SGPL1: variants seen among roughly 807,000 people sequenced by gnomAD.
SGPL1 encodes the protein sphingosine-1-phosphate lyase 1, also known as SP-lyase 1.
A neutral mutation model predicts 68.9 loss-of-function variants in SGPL1; 37 were observed. The observed-to-expected ratio is 0.54, with a 90% confidence interval of 0.41 to 0.71. SGPL1 has a LOEUF of 0.71. SGPL1 is among the 30% of genes least tolerant of loss of function. SGPL1 has a pLI of 0.00. For synonymous variants in SGPL1, 236 were observed against 248.5 expected (o/e 0.95, Z 0.47); for missense variants, 551 against 704.6 (o/e 0.78, Z 2.47).
intron 4 of SGPL1, among the ~76,000 whole-genome samples, chr10:70,853,507 T>TC (rs1247614347): frequency 7.9e-5 from 12 of 152,208 alleles, no homozygotes; most frequent in Non-Finnish European, 1.8e-4. Flanking sequence ...CTATTTTTTT[T>TC]CCCTCAGCAC....
chr10:70,860,012 G>A (rs1197782952), intron 7 of SGPL1, among the ~76,000 whole-genome samples: 1 of 152,040 alleles, frequency 6.6e-6, no homozygotes, highest in Non-Finnish European at 1.5e-5. Context: ...GGTTTTACCT[G>A]AGCCAAAGTT....
intron 2 of SGPL1, among the ~76,000 whole-genome samples, chr10:70,837,873 G>A (rs764271577): frequency 4.6e-5 from 7 of 152,154 alleles, no homozygotes; most frequent in Non-Finnish European, 8.8e-5. Context: ...TATCTGGTGA[G>A]GGCCTTCTTC....
chr10:70,854,743 T>G lies in SGPL1; in HGVS notation c.297T>G (p.Ile99Met). ...AGTTGAACAAGACCAAGGATGATAT[T>G]AGCAAGAACATGTCATTCCTGAAAG... ...QDKLNKTKDD[I>M]SKNMSFLKVD... The change falls in exon 5 of 15, where the codon ATT becomes ATG. Residue 99 changes from isoleucine to methionine, a missense_variant. By Grantham distance (10) the Ile-to-Met change is conservative. Coordinates refer to ENST00000373202, the MANE Select transcript of SGPL1 (RefSeq NM_003901.4). 1 of 1,613,638 alleles carries G rather than the reference T, an allele frequency of 6.2e-7. No homozygotes were observed. Among genetic ancestry groups the G allele is most frequent in the Non-Finnish European group, 8.5e-7 (1 of 1,179,794 alleles).
At chr10:70,873,042 T>C (rs370215667) in intron 11 of SGPL1, among the ~76,000 whole-genome samples, 3 of 152,200 alleles carry the variant, frequency 2.0e-5, no homozygotes, top group African/African-American at 7.2e-5. Context: ...TCCTGACATA[T>C]GGTCTCCAGA....
intron 4 of SGPL1, among the ~76,000 whole-genome samples, chr10:70,852,479 G>A (rs1845899650): frequency 6.6e-6 from 1 of 152,208 alleles, no homozygotes; most frequent in Non-Finnish European, 1.5e-5. Flanking sequence ...AAGATGGACT[G>A]TAGCACAAAG....
Position 70,877,483 on chromosome 10 carries a change from T to C in SGPL1, c.*148T>C, listed in dbSNP as rs1846414714. 1 of 620,770 alleles carries C rather than the reference T, an allele frequency of 1.6e-6. No individual in the cohort carries two copies. 38.5% of individuals were successfully genotyped at this position (620,770 alleles called of 1,614,324 possible). A position where few individuals can be genotyped will look rare whatever the true frequency, so the allele number is the denominator to read the frequency against. ...TGAGACAGCTTGAGCCTCAGGATTCTTGTTCTTCCTCTTATCTTCCTTTTG... is the reference window on the plus strand; with the variant it reads ...TGAGACAGCTTGAGCCTCAGGATTCCTGTTCTTCCTCTTATCTTCCTTTTG... On this transcript the variant is annotated 3_prime_UTR_variant, in exon 15 of 15. Coordinates refer to ENST00000373202, the MANE Select transcript of SGPL1 (RefSeq NM_003901.4).
At chr10:70,872,414 G>A (rs142317214) in intron 11 of SGPL1, among the ~76,000 whole-genome samples, 91 of 152,298 alleles carry the variant, frequency 6.0e-4, no homozygotes, top group African/African-American at 2.1e-3. Flanking sequence ...CGTACATGAC[G>A]GGAAAATGTT....
chr10:70,841,133 T>C (rs1845706263), intron 2 of SGPL1, among the ~76,000 whole-genome samples: 1 of 152,194 alleles, frequency 6.6e-6, no homozygotes, highest in African/African-American at 2.4e-5. Context: ...CTCTGGTCTT[T>C]CCCAGGTTTT....
chr10:70,848,453 A>ATTT (rs1328457777), intron 3 of SGPL1, among the ~76,000 whole-genome samples: 1 of 95,946 alleles, frequency 1.0e-5, no homozygotes, highest in Non-Finnish European at 2.1e-5. Flanking sequence ...TACCTCACGT[A>ATTT]CTTTTTTTTT....
Position 70,854,719 on chromosome 10 carries a change from G to A in SGPL1, c.273G>A (p.Lys91=), listed in dbSNP as rs775368518. Residue 91 remains lysine, a synonymous_variant, in exon 5 of 15, where the codon AAG becomes AAA. Coordinates refer to ENST00000373202, the MANE Select transcript of SGPL1 (RefSeq NM_003901.4). ...MPIIGRKIQD[K]LNKTKDDISK... is the part of the protein sequence containing the mutation. ...TCTTACCTTTGGAGATTCAAGACAAGTTGAACAAGACCAAGGATGATATTA... is the reference window on the plus strand; with the variant it reads ...TCTTACCTTTGGAGATTCAAGACAAATTGAACAAGACCAAGGATGATATTA... 6.8e-6 allele frequency: 11 copies of A among 1,610,074 alleles called. No homozygotes were observed. The highest frequency in any genetic ancestry group is 8.5e-6 in the Non-Finnish European group (10 of 1,178,644).
chr10:70,852,102 A>G (rs1845891750), intron 4 of SGPL1, among the ~76,000 whole-genome samples: 1 of 152,118 alleles, frequency 6.6e-6, no homozygotes. Flanking sequence ...TGGAATCTTC[A>G]TCTCCTCCAG....
intron 7 of SGPL1, among the ~76,000 whole-genome samples, chr10:70,865,983 C>A (rs1323352137): frequency 6.6e-6 from 1 of 152,128 alleles, no homozygotes; most frequent in Non-Finnish European, 1.5e-5. Context: ...CTGAGGCCTC[C>A]ATTTTCTTAC....
At chr10:70,843,989 A>C (rs1845754435) in intron 2 of SGPL1, among the ~76,000 whole-genome samples, 1 of 152,218 alleles carries the variant, frequency 6.6e-6, no homozygotes, top group Non-Finnish European at 1.5e-5. Context: ...AGAGAGGAGT[A>C]GTTGTAAAGG....
intron 2 of SGPL1, among the ~76,000 whole-genome samples, chr10:70,831,451 T>G (rs188653774): frequency 2.6e-4 from 39 of 152,326 alleles, no homozygotes; most frequent in African/African-American, 8.2e-4. Context: ...TGACTGACTG[T>G]CTTCAAGGTG....
Position 70,880,145 on chromosome 10 carries a change from G to A in SGPL1, c.*2810G>A, listed in dbSNP as rs1846475628. On this transcript the variant is annotated 3_prime_UTR_variant, in exon 15 of 15. Coordinates refer to ENST00000373202, the MANE Select transcript of SGPL1 (RefSeq NM_003901.4). ...ATGGTTGCATTCATTTGATTACTTG[G>A]GCACACACGAGATGACAAATGGGGC... The A allele has an allele frequency of 6.6e-6, 1 of 152,362 alleles. No homozygotes were observed. Among genetic ancestry groups the A allele is most frequent in the African/African-American group, 2.4e-5 (1 of 41,346 alleles). The allele number at this position is 152,362 out of a possible 1,614,324, so 9.4% of individuals were successfully genotyped here.
At chr10:70,824,086 A>C (rs888384169) in intron 2 of SGPL1, among the ~76,000 whole-genome samples, 1 of 152,224 alleles carries the variant, frequency 6.6e-6, no homozygotes, top group African/African-American at 2.4e-5. Flanking sequence ...CCCAAGCAGA[A>C]TCTGTTCCTA....
chr10:70,823,563 GAAAA>G (rs139852875), intron 2 of SGPL1, among the ~76,000 whole-genome samples: 1 of 83,468 alleles, frequency 1.2e-5, no homozygotes, highest in Non-Finnish European at 2.4e-5. Flanking sequence ...ACTTTATATT[GAAAA>G]AAAAAAAAAA....
intron 2 of SGPL1, among the ~76,000 whole-genome samples, chr10:70,839,443 C>T (rs974258489): frequency 6.6e-6 from 1 of 151,802 alleles, no homozygotes; most frequent in Non-Finnish European, 1.5e-5. Flanking sequence ...TTCTATTAAG[C>T]AAGGGTTGGA....
rs758265141 is a variant in SGPL1, at chr10:70,876,604, C to A, written c.1509C>A (p.Asp503Glu). ...GAGTAGCTATACAATTCCTAAAGGACATTCGAGAATCTGTCACTCAAATCA... is the reference window on the plus strand; with the variant it reads ...GAGTAGCTATACAATTCCTAAAGGAAATTCGAGAATCTGTCACTCAAATCA... ...RKRVAIQFLK[D>E]IRESVTQIMK... Residue 503 changes from aspartate to glutamate, a missense_variant, in exon 14 of 15, where the codon GAC (aspartate) becomes GAA (glutamate). Transcript: ENST00000373202. 6.2e-7 allele frequency: 1 copy of A among 1,612,764 alleles called. No individual in the cohort carries two copies. The highest frequency in any genetic ancestry group is 1.1e-5 in the South Asian group (1 of 91,050).
Sources: gnomAD v4.1 joint callset for allele counts (sites outside exome capture counted in the v4.1 genomes callset) on GRCh38, gnomAD v4.1.1 for gene constraint, MANE v1.5 for transcripts, NCBI Gene and HGNC (gene_info 2026-07-23, HGNC 2026-07-21) for gene names.